The following LRMDA variants were observed in gnomAD, a reference collection of about 807,000 sequenced individuals.
The protein encoded by LRMDA is leucine rich melanocyte differentiation associated.
In LRMDA, 18 loss-of-function variants were observed where a neutral mutation model predicts 29.8. That is an observed-to-expected ratio of 0.60 (90% confidence interval 0.42 to 0.90). The LOEUF (loss-of-function observed/expected upper bound fraction) is 0.90. Ranked by LOEUF, LRMDA falls within the 40% of genes least tolerant of loss-of-function variation. LRMDA has a pLI of 0.00. For synonymous variants in LRMDA, 125 were observed against 109.4 expected (o/e 1.14, Z -0.89); for missense variants, 273 against 273.9 (o/e 1.00, Z 0.02).
At chr10:75,590,479 T>C (rs1840709419) in intron 2 of LRMDA, among the ~76,000 whole-genome samples, 1 of 152,180 alleles carries the variant, frequency 6.6e-6, no homozygotes, top group Non-Finnish European at 1.5e-5. Context: ...TGACATCATC[T>C]GACTCAACTG....
chr10:75,833,634 A>G (rs1466672615), intron 2 of LRMDA, among the ~76,000 whole-genome samples: 1 of 152,232 alleles, frequency 6.6e-6, no homozygotes, highest in Non-Finnish European at 1.5e-5. Context: ...CTTCAAGTCT[A>G]AAACCTCATC....
At chr10:76,170,913 G>A (rs1176563755) in intron 5 of LRMDA, among the ~76,000 whole-genome samples, 2 of 152,162 alleles carry the variant, frequency 1.3e-5, no homozygotes, top group African/African-American at 4.8e-5. Context: ...GGTATTCAAG[G>A]AGTTAATAAA....
At chr10:75,926,418 C>T (rs566770209) in intron 2 of LRMDA, among the ~76,000 whole-genome samples, 1 of 152,304 alleles carries the variant, frequency 6.6e-6, no homozygotes, top group South Asian at 2.1e-4. Flanking sequence ...TCTGCAGAGA[C>T]ATGTATGTTT....
intron 2 of LRMDA, among the ~76,000 whole-genome samples, chr10:75,973,791 G>A (rs1564620533): frequency 6.6e-6 from 1 of 152,086 alleles, no homozygotes; most frequent in South Asian, 2.1e-4. Flanking sequence ...ACTTGGGGGC[G>A]GTGGGGTAGT....
chr10:75,855,883 G>T (rs75386397), intron 2 of LRMDA, among the ~76,000 whole-genome samples: 56,115 of 151,938 alleles, frequency 0.37, 12,193 homozygotes, highest in South Asian at 0.5. Flanking sequence ...GTAGATATGC[G>T]GCATTATTTC....
chr10:75,816,922 A>G (rs1844071272), intron 2 of LRMDA, among the ~76,000 whole-genome samples: 2 of 152,236 alleles, frequency 1.3e-5, no homozygotes, highest in African/African-American at 2.4e-5. Context: ...AAGGGCAAAC[A>G]TGGCCATGAT....
intron 2 of LRMDA, among the ~76,000 whole-genome samples, chr10:76,032,054 A>G (rs545845940): frequency 2.6e-5 from 4 of 152,140 alleles, no homozygotes; most frequent in African/African-American, 7.2e-5. Context: ...TTATGGTACA[A>G]TGTTCTGGCT....
intron 2 of LRMDA, among the ~76,000 whole-genome samples, chr10:75,727,117 T>G (rs568296698): frequency 6.6e-6 from 1 of 152,336 alleles, no homozygotes; most frequent in Non-Finnish European, 1.5e-5. Context: ...TTGAATAATT[T>G]TGTGAGCAAT....
At chr10:76,117,881 G>A (rs575429442) in intron 5 of LRMDA, among the ~76,000 whole-genome samples, 26 of 152,300 alleles carry the variant, frequency 1.7e-4, no homozygotes, top group African/African-American at 6.3e-4. Flanking sequence ...TGGTTGCTTT[G>A]GAGGATCATG....
chr10:75,696,636 G>C (rs553636531), intron 2 of LRMDA, among the ~76,000 whole-genome samples: 1 of 152,188 alleles, frequency 6.6e-6, no homozygotes, highest in Non-Finnish European at 1.5e-5. Context: ...GCTGTAAGAC[G>C]ATGAGTCAGT....
chr10:76,268,751 C>A (rs1840034230), intron 5 of LRMDA, among the ~76,000 whole-genome samples: 1 of 152,122 alleles, frequency 6.6e-6, no homozygotes, highest in Non-Finnish European at 1.5e-5. Flanking sequence ...TCCTTACGCC[C>A]CCATTGCATC....
At chr10:75,467,450 C>T (rs563164425) in intron 2 of LRMDA, among the ~76,000 whole-genome samples, 2 of 152,312 alleles carry the variant, frequency 1.3e-5, no homozygotes, top group African/African-American at 4.8e-5. Context: ...AAGAAGACCT[C>T]GCCCTCTGTG....
At chr10:75,916,029 TATTA>T (rs2132382676) in intron 2 of LRMDA, among the ~76,000 whole-genome samples, 1 of 152,040 alleles carries the variant, frequency 6.6e-6, no homozygotes, top group South Asian at 2.1e-4. Flanking sequence ...GGCCCATTGG[TATTA>T]ATTGTGTCCA....
intron 5 of LRMDA, among the ~76,000 whole-genome samples, chr10:76,123,388 G>A (rs562396967): frequency 5.3e-5 from 8 of 151,686 alleles, no homozygotes; most frequent in South Asian, 2.1e-4. Context: ...TCACACCTGC[G>A]GTCCCAGCTA....
intron 2 of LRMDA, among the ~76,000 whole-genome samples, chr10:75,586,141 G>T (rs1840652184): frequency 6.6e-6 from 1 of 152,020 alleles, no homozygotes; most frequent in Non-Finnish European, 1.5e-5. Flanking sequence ...ACATAAGAGT[G>T]CTAATGTATC....
At chr10:76,113,282 CTG>C (rs1849610282) in intron 5 of LRMDA, among the ~76,000 whole-genome samples, 1 of 151,944 alleles carries the variant, frequency 6.6e-6, no homozygotes, top group South Asian at 2.1e-4. Context: ...TGGGTCTTCT[CTG>C]TTATTAGAAT....
intron 6 of LRMDA, among the ~76,000 whole-genome samples, chr10:76,528,804 A>G (rs981968939): frequency 6.6e-6 from 1 of 152,098 alleles, no homozygotes; most frequent in African/African-American, 2.4e-5. Context: ...TTTTGGTTCT[A>G]TCTTCCAACA....
Position 76,414,350 on chromosome 10 carries a change from C to T in LRMDA, c.601+89865C>T, listed in dbSNP as rs190605458. On this transcript the variant is annotated intron_variant, in intron 6 of 6. Coordinates refer to ENST00000611255, the MANE Select transcript of LRMDA (RefSeq NM_001305581.2). ...AAACCAGAAACCAACCAAACAGCAA[C>T]AAAAACAACAAACCACAAATTATGA... Among the ~76,000 whole-genome samples, 3 of 152,256 alleles carry T rather than the reference C, an allele frequency of 2.0e-5. No homozygotes were observed. The East Asian group carries it at 5.8e-4, about 29-fold the overall frequency.
intron 6 of LRMDA, among the ~76,000 whole-genome samples, chr10:76,398,457 G>C (rs1027369041): frequency 2.6e-5 from 4 of 152,170 alleles, no homozygotes; most frequent in African/African-American, 9.7e-5. Flanking sequence ...GTACACCACT[G>C]TAAAACTTGC....
Sources: allele counts gnomAD v4.1 joint callset (sites outside exome capture counted in the v4.1 genomes callset), GRCh38; gene constraint gnomAD v4.1.1; transcripts MANE v1.5; gene names NCBI Gene and HGNC (gene_info 2026-07-23, HGNC 2026-07-21).